Variants in RFTN1 observed in about 807,000 individuals in gnomAD.
The protein encoded by RFTN1 is raftlin.
Under a neutral mutation model 46.5 loss-of-function variants are expected in RFTN1, and 26 were observed. The observed-to-expected ratio is 0.56, with a 90% confidence interval of 0.41 to 0.78. The LOEUF (loss-of-function observed/expected upper bound fraction) is 0.78. Among genes scored for constraint, RFTN1 ranks in the 30% least tolerant of loss-of-function variants. RFTN1 has a pLI of 0.00. For synonymous variants in RFTN1, 261 were observed against 284.2 expected (o/e 0.92, Z 0.82); for missense variants, 693 against 718.7 (o/e 0.96, Z 0.41).
rs1332398074 is a variant in RFTN1 at position 16,361,137 on chromosome 3, GT to G, written c.1031-3091del. Among the ~76,000 whole-genome samples the G allele has an allele frequency of 6.6e-6, 1 of 152,158 alleles. No homozygotes were observed. The highest frequency in any genetic ancestry group is 1.5e-5 in the Non-Finnish European group (1 of 68,032). On this transcript the variant is annotated intron_variant, in intron 6 of 9. Transcript: ENST00000334133. The surrounding 1 kb of genome is among the most constrained non-coding windows in gnomAD (Gnocchi z 4.3). Reference sequence around the variant, plus strand: ...TTGAAGGCCTAACTAGAATCAAAGAGTTTTTTAAAACTATGGGGAGATGATT... The same window carrying G: ...TTGAAGGCCTAACTAGAATCAAAGAGTTTTTAAAACTATGGGGAGATGATT...
At position 16,376,477 on chromosome 3, in the gene RFTN1, A is replaced by G. The variant is rs2073777290; in HGVS notation, c.826+1241T>C. On this transcript the variant is annotated intron_variant, in intron 5 of 9. Transcript: ENST00000334133. This position sits in a 1 kb window ranked among gnomAD's most constrained non-coding sequence, Gnocchi z 4.7. ...AGGTCCATCTTCCTGCCCAGGATTC[A>G]GAGCACACACATCCAGCCCAGCCTC... 6.6e-6 allele frequency among the ~76,000 whole-genome samples: 1 copy of G among 152,176 alleles called. No homozygotes were observed. The highest frequency in any genetic ancestry group is 2.1e-4 in the South Asian group (1 of 4,832).
Position 16,317,186 on chromosome 3 carries a change from C to A in RFTN1, c.1379G>T (p.Arg460Met), listed in dbSNP as rs116965256. 8.2e-4 allele frequency: 1,328 copies of A among 1,613,150 alleles called. 48 individuals carry two copies. The East Asian group carries it at 0.029, about 35-fold the overall frequency. Residue 460 changes from arginine (R) to methionine (M), a missense_variant, in exon 10 of 10, where the codon AGG (arginine) becomes ATG (methionine). Coordinates refer to ENST00000334133, the MANE Select transcript of RFTN1 (RefSeq NM_015150.2). This position sits in a 1 kb window ranked among gnomAD's most constrained non-coding sequence, Gnocchi z 4.3. ...GGCACTGAGTTTACCTTTTGATTTCCTCATCTGCCTGTTGTGCATTTCTTC... is the reference window on the plus strand; with the variant it reads ...GGCACTGAGTTTACCTTTTGATTTCATCATCTGCCTGTTGTGCATTTCTTC... ...SREEMHNRQM[R>M]KSKGKLSARD...
rs374854502 is a variant in RFTN1 at position 16,433,812 on chromosome 3, C to A, written c.332+39G>T. The A allele has an allele frequency of 6.2e-7, 1 of 1,604,876 alleles. No individual in the cohort carries two copies. Among genetic ancestry groups the A allele is most frequent in the Admixed American group, 1.7e-5 (1 of 60,022 alleles). ...CCTCCTCTATTGAGCATAACTTAGCCGCAACAGGATGCTACCCATTCACCC... is the reference window on the plus strand; with the variant it reads ...CCTCCTCTATTGAGCATAACTTAGCAGCAACAGGATGCTACCCATTCACCC... On this transcript the variant is annotated intron_variant, in intron 3 of 9. Coordinates refer to ENST00000334133, the MANE Select transcript of RFTN1 (RefSeq NM_015150.2). The surrounding 1 kb of genome is among the most constrained non-coding windows in gnomAD (Gnocchi z 4.4).
chr3:16,371,935 TGGAG>T (rs1247466304), intron 5 of RFTN1, among the ~76,000 whole-genome samples: 1 of 152,110 alleles, frequency 6.6e-6, no homozygotes, highest in Non-Finnish European at 1.5e-5. Flanking sequence ...AGGTTCGTAA[TGGAG>T]GGAATCCGGC....
intron 2 of RFTN1, among the ~76,000 whole-genome samples, chr3:16,488,616 TAAC>T (rs765524082): frequency 1.3e-5 from 2 of 152,354 alleles, no homozygotes. Context: ...ATAAGTTTTC[TAAC>T]AACAACATTC....
At chr3:16,417,907 C>T (rs1466746473) in intron 3 of RFTN1, among the ~76,000 whole-genome samples, 1 of 152,090 alleles carries the variant, frequency 6.6e-6, no homozygotes, top group Non-Finnish European at 1.5e-5. Context: ...AGGGTTTTGC[C>T]ATGTTGCCCA....
chr3:16,460,135 T>C lies in RFTN1; in HGVS notation c.146-26098A>G, dbSNP rs2075982478. On this transcript the variant is annotated intron_variant, in intron 2 of 9. Transcript: ENST00000334133. This position sits in a 1 kb window ranked among gnomAD's most constrained non-coding sequence, Gnocchi z 4.8. The stretch of plus-strand genomic sequence containing the variant: ...AATGTAGTATGTAAAATATGCATGG[T>C]GGAAGGAGTAAACTGTGTAGATTAT... 6.6e-6 allele frequency among the ~76,000 whole-genome samples: 1 copy of C among 152,160 alleles called. No homozygotes were observed. Among genetic ancestry groups the C allele is most frequent in the East Asian group, 1.9e-4 (1 of 5,200 alleles).
At chr3:16,403,689 T>A (rs1243330509) in intron 4 of RFTN1, among the ~76,000 whole-genome samples, 8 of 25,562 alleles carry the variant, frequency 3.1e-4, no homozygotes, top group Non-Finnish European at 4.7e-4. Context: ...AATATATATA[T>A]AATATATATT....
intron 2 of RFTN1, among the ~76,000 whole-genome samples, chr3:16,445,422 A>T (rs1575303518): frequency 1.5e-5 from 2 of 136,492 alleles, no homozygotes. Flanking sequence ...CTTTCCCCCC[A>T]CTCTGTCTCT....
At position 16,449,417 on chromosome 3, in the gene RFTN1, A is replaced by G. The variant is rs924131520; in HGVS notation, c.146-15380T>C. On this transcript the variant is annotated intron_variant, in intron 2 of 9. Coordinates refer to ENST00000334133, the MANE Select transcript of RFTN1 (RefSeq NM_015150.2). This position sits in a 1 kb window ranked among gnomAD's most constrained non-coding sequence, Gnocchi z 5.1. ...GAATTACGAATGCTTATGGGCCTCA[A>G]TTTTTGTCTACAGAGGATAAAAATA... 6.6e-6 allele frequency among the ~76,000 whole-genome samples: 1 copy of G among 152,166 alleles called. No homozygotes were observed. Among genetic ancestry groups the G allele is most frequent in the Non-Finnish European group, 1.5e-5 (1 of 68,032 alleles).
At chr3:16,369,644 G>A (rs1479279556) in intron 6 of RFTN1, among the ~76,000 whole-genome samples, 3 of 152,180 alleles carry the variant, frequency 2.0e-5, no homozygotes, top group African/African-American at 7.2e-5. Flanking sequence ...CAGAAACCAG[G>A]CTGTTCAATT....
Position 16,327,901 on chromosome 3 carries a change from A to G in RFTN1, c.1147-1025T>C, listed in dbSNP as rs2069890717. ...CCTCATTTCTTACTACGGGTTCCTCACTAACACTCAAAGTGTAGCCCCCAC... is the reference window on the plus strand; with the variant it reads ...CCTCATTTCTTACTACGGGTTCCTCGCTAACACTCAAAGTGTAGCCCCCAC... On this transcript the variant is annotated intron_variant, in intron 7 of 9. Transcript: ENST00000334133. The surrounding 1 kb of genome is among the most constrained non-coding windows in gnomAD (Gnocchi z 4.2). Among the ~76,000 whole-genome samples the G allele has an allele frequency of 6.6e-6, 1 of 152,100 alleles. No individual in the cohort carries two copies. Among genetic ancestry groups the G allele is most frequent in the Non-Finnish European group, 1.5e-5 (1 of 67,978 alleles).
At chr3:16,455,662 G>T (rs546647772) in intron 2 of RFTN1, among the ~76,000 whole-genome samples, 1 of 152,236 alleles carries the variant, frequency 6.6e-6, no homozygotes, top group South Asian at 2.1e-4. Flanking sequence ...GTGTTCAAAG[G>T]ACAGTGGCAC....
chr3:16,453,786 T>C (rs2075859114), intron 2 of RFTN1, among the ~76,000 whole-genome samples: 1 of 152,208 alleles, frequency 6.6e-6, no homozygotes, highest in South Asian at 2.1e-4. Context: ...AATTTCAGGG[T>C]ATGATACAAG....
chr3:16,369,882 G>A (rs2073422009), intron 6 of RFTN1, among the ~76,000 whole-genome samples, 194 bp downstream of exon 6: 1 of 152,200 alleles, frequency 6.6e-6, no homozygotes, highest in Non-Finnish European at 1.5e-5. Flanking sequence ...CTGACTCGTA[G>A]AGAGGTTTTG....
chr3:16,403,727 TTA>T (rs796910621), intron 4 of RFTN1, among the ~76,000 whole-genome samples: 6 of 12,792 alleles, frequency 4.7e-4, no homozygotes, highest in Non-Finnish European at 7.7e-4. Context: ...AATATATATA[TTA>T]TATATATTAT....
intron 7 of RFTN1, among the ~76,000 whole-genome samples, chr3:16,355,495 A>G (rs566544262): frequency 6.6e-6 from 1 of 152,220 alleles, no homozygotes; most frequent in Non-Finnish European, 1.5e-5. Flanking sequence ...AGGCCAAAAA[A>G]GGGGAGGCAG....
At chr3:16,434,408 C>A (rs9819165) in intron 2 of RFTN1, among the ~76,000 whole-genome samples, 7,306 of 150,248 alleles carry the variant, frequency 0.049, 647 homozygotes, top group African/African-American at 0.17. Flanking sequence ...ACAAAAAAAC[C>A]CCCTCAAAAT....
At position 16,336,776 on chromosome 3, in the gene RFTN1, G is replaced by T. The variant is rs981707044; in HGVS notation, c.1147-9900C>A. ...GACTCTTTACCCACCCAGTGCTGGT[G>T]AATTCACATCTTTGTCTCATTTTCT... is the stretch of plus-strand genomic sequence containing the variant. On this transcript the variant is annotated intron_variant, in intron 7 of 9. Transcript: ENST00000334133. The surrounding 1 kb of genome is among the most constrained non-coding windows in gnomAD (Gnocchi z 6.0). Among the ~76,000 whole-genome samples the T allele has an allele frequency of 6.6e-6, 1 of 152,170 alleles. No individual in the cohort carries two copies. Among genetic ancestry groups the T allele is most frequent in the African/African-American group, 2.4e-5 (1 of 41,434 alleles).
Sources: gnomAD v4.1 joint callset for allele counts (sites outside exome capture counted in the v4.1 genomes callset) on GRCh38, gnomAD v4.1.1 for gene constraint, Gnocchi (gnomAD v3.1) non-coding constraint, MANE v1.5 for transcripts, NCBI Gene and HGNC (gene_info 2026-07-23, HGNC 2026-07-21) for gene names.